The following TCF20 variants were observed in gnomAD, a reference collection of about 807,000 sequenced individuals.
TCF20 encodes the protein transcription factor 20, also known as SPRE-binding protein.
TCF20 carries 3 observed loss-of-function variants against 148.6 expected under a neutral mutation model. The ratio of observed to expected loss-of-function variants is 0.02; its 90% CI spans 0.01 to 0.05. The LOEUF (loss-of-function observed/expected upper bound fraction) is 0.05, where lower values mean the gene tolerates loss of function less well. TCF20 is among the 10% of genes least tolerant of loss of function. The pLI, the probability that TCF20 is intolerant of heterozygous loss-of-function variation, is 1.00. For synonymous variants in TCF20, 1,049 were observed against 909.5 expected (o/e 1.15, Z -2.76); for missense variants, 2,350 against 2,429.3 (o/e 0.97, Z 0.69).
intron 1 of TCF20, among the ~76,000 whole-genome samples, chr22:42,267,235 C>G (rs545490098): frequency 1.9e-3 from 291 of 152,138 alleles, no homozygotes; most frequent in African/African-American, 5.9e-3. Flanking sequence ...CCACTGCACT[C>G]CCAGCTGGGC....
upstream of TCF20, among the ~76,000 whole-genome samples, chr22:42,286,869 G>C (rs1181296953): frequency 6.6e-6 from 1 of 152,212 alleles, no homozygotes; most frequent in Admixed American, 6.5e-5. Context: ...GTTCCCATCA[G>C]TCCCTTGAAC....
intron 2 of TCF20, among the ~76,000 whole-genome samples, chr22:42,197,946 G>A (rs1030932227): frequency 2.0e-5 from 3 of 152,162 alleles, no homozygotes; most frequent in African/African-American, 7.2e-5. Context: ...ACCCTTTGTT[G>A]ATTAAACCAC....
Position 42,179,655 on chromosome 22 carries a change from G to A in TCF20, c.5703C>T (p.Asn1901=), listed in dbSNP as rs1295011679. The A allele has an allele frequency of 4.3e-6, 7 of 1,614,178 alleles. No homozygotes were observed. The highest frequency in any genetic ancestry group is 1.3e-5 in the African/African-American group (1 of 75,036). Residue 1901 remains asparagine (N), a synonymous_variant, in exon 3 of 6, where the codon AAC becomes AAT. Transcript: ENST00000677622. ...AATGGTATCGGAAGGAGCAGCCTTTGTTGTAGCAGCCCAAGGTGGCGCCTG... is the reference window on the plus strand; with the variant it reads ...AATGGTATCGGAAGGAGCAGCCTTTATTGTAGCAGCCCAAGGTGGCGCCTG... ...QEAGATLGCY[N]KGCSFRYHYP...
chr22:42,192,143 C>A (rs369169453), intron 2 of TCF20, among the ~76,000 whole-genome samples: 99 of 152,310 alleles, frequency 6.5e-4, no homozygotes, highest in African/African-American at 2.3e-3. Flanking sequence ...CATGGCTCAT[C>A]CTACCCAGGA....
chr22:42,255,155 C>G (rs188864683), intron 1 of TCF20, among the ~76,000 whole-genome samples: 246 of 152,070 alleles, frequency 1.6e-3, no homozygotes, highest in African/African-American at 5.6e-3. Context: ...ATGTTTAGAA[C>G]AAGTCCTGGC....
chr22:42,202,679 C>T (rs899003583), intron 2 of TCF20, among the ~76,000 whole-genome samples: 3 of 152,218 alleles, frequency 2.0e-5, no homozygotes, highest in Non-Finnish European at 2.9e-5. Flanking sequence ...CGAAATTGGC[C>T]TTGGCTTGGG....
Position 42,169,896 on chromosome 22 carries a change from T to G in TCF20, c.5750A>C (p.Asp1917Ala), listed in dbSNP as rs752474784. 5.6e-6 allele frequency: 9 copies of G among 1,613,132 alleles called. No individual in the cohort carries two copies. The African/African-American group carries it at 1.2e-4, about 22-fold the overall frequency. Residue 1917 changes from aspartate (D) to alanine (A), a missense_variant and splice_region_variant, in exon 4 of 6, where the codon GAT becomes GCT. Physicochemically the swap from Asp to Ala is moderately radical, Grantham distance 126. This residue lies in a region of TCF20 where 67 missense variants were observed against 60.8 expected (regional missense o/e 1.10). Transcript: ENST00000677622. ...GAAGTTCTCCTCATGTAGCAAACAA[T>G]CTGGAAGACAGAAGGGGACAGTCAG... is the stretch of plus-strand genomic sequence containing the variant. Reference protein sequence around the residue: ...RYHYPCAIDADCLLHEENFSV... With the variant: ...RYHYPCAIDAACLLHEENFSV...
At chr22:42,319,793 G>A (rs901745678) in intron 1 of TCF20, among the ~76,000 whole-genome samples, 5 of 152,154 alleles carry the variant, frequency 3.3e-5, no homozygotes, top group African/African-American at 1.2e-4. Flanking sequence ...GGACAGGCGA[G>A]GAGGCCGGGG....
At chr22:42,243,292 C>CAAAAAAAAACAAAAAA (rs1924605276) in intron 1 of TCF20, among the ~76,000 whole-genome samples, 1 of 39,478 alleles carries the variant, frequency 2.5e-5, no homozygotes, top group African/African-American at 8.5e-5. Flanking sequence ...GACACTGTCT[C>CAAAAAAAAACAAAAAA]AAAAAAAAAA....
intron 1 of TCF20, among the ~76,000 whole-genome samples, chr22:42,316,873 C>T (rs1385146614): frequency 6.6e-6 from 1 of 152,210 alleles, no homozygotes; most frequent in African/African-American, 2.4e-5. Context: ...ACTGGCAGAA[C>T]TTTCTGGTCT....
intron 1 of TCF20, among the ~76,000 whole-genome samples, chr22:42,321,686 C>G (rs1193089087): frequency 1.3e-5 from 2 of 151,850 alleles, no homozygotes; most frequent in South Asian, 2.1e-4. Context: ...GTGACTCACA[C>G]CTGTAATCCT....
Position 42,279,628 on chromosome 22 carries a change from G to A in TCF20, c.-37+4199C>T, listed in dbSNP as rs140048264. ...AGGCACACAGTGACTGCGCTTCTCA[G>A]TGCCACAAGTGCTGTTGCCATCATT... On this transcript the variant is annotated intron_variant, in intron 1 of 5. Transcript: ENST00000359486. This position sits in a 1 kb window ranked among gnomAD's most constrained non-coding sequence, Gnocchi z 4.3. 6.6e-6 allele frequency among the ~76,000 whole-genome samples: 1 copy of A among 152,328 alleles called. No individual in the cohort carries two copies. The highest frequency in any genetic ancestry group is 1.9e-4 in the East Asian group (1 of 5,184).
At chr22:42,242,225 A>AAAAAAAAAAAAG (rs1924494235) in intron 1 of TCF20, among the ~76,000 whole-genome samples, 1 of 139,566 alleles carries the variant, frequency 7.2e-6, no homozygotes, top group African/African-American at 2.7e-5. Flanking sequence ...AAAAAAAAAA[A>AAAAAAAAAAAAG]AACAGAAAAG....
intron 1 of TCF20, among the ~76,000 whole-genome samples, chr22:42,335,815 G>T (rs1278906190): frequency 6.6e-6 from 1 of 152,090 alleles, no homozygotes; most frequent in African/African-American, 2.4e-5. Context: ...GCCAGCTCTG[G>T]GGTGGGGGTG....
chr22:42,248,826 G>C (rs964157938), intron 1 of TCF20, among the ~76,000 whole-genome samples: 6 of 152,212 alleles, frequency 3.9e-5, no homozygotes, highest in Non-Finnish European at 7.3e-5. Context: ...TCATTATCTG[G>C]AAATTAAGTA....
At position 42,270,408 on chromosome 22, in the gene TCF20, C is replaced by T. The variant is rs1392738461; in HGVS notation, c.-106G>A. On this transcript the variant is annotated 5_prime_UTR_variant, in exon 1 of 6. Transcript: ENST00000677622. Reference sequence around the variant, plus strand: ...GGCGGGGAGGGAGCGGTGGCGACGGCGGGCGGCGCTGCGCGGGGTGGGGGT... The same window carrying T: ...GGCGGGGAGGGAGCGGTGGCGACGGTGGGCGGCGCTGCGCGGGGTGGGGGT... Among the ~76,000 whole-genome samples, 1 of 145,738 alleles carries T rather than the reference C, an allele frequency of 6.9e-6. No homozygotes were observed. The highest frequency in any genetic ancestry group is 1.5e-5 in the Non-Finnish European group (1 of 66,110).
chr22:42,240,308 T>A (rs1924281089), intron 1 of TCF20, among the ~76,000 whole-genome samples: 1 of 152,098 alleles, frequency 6.6e-6, no homozygotes, highest in South Asian at 2.1e-4. Flanking sequence ...CACCAACCAA[T>A]ACCACCTGGT....
rs778953458 is a variant in TCF20, at chr22:42,213,625, C to T, written c.1681G>A (p.Ala561Thr). The change falls in exon 2 of 6, where the codon GCA (alanine) becomes ACA (threonine). Residue 561 changes from alanine to threonine, a missense_variant. Physicochemically the swap from Ala to Thr is moderately conservative, Grantham distance 58. Coordinates refer to ENST00000677622, the MANE Select transcript of TCF20 (RefSeq NM_001378418.1). ...GGGGGTTCATTCTGAGCACCTTGTG[C>T]CGGTGAGGAGCCAGCTTTCTCAGAG... Reference protein sequence around the residue: ...GASEKAGSSPAQGAQNEPPRL... With the variant: ...GASEKAGSSPTQGAQNEPPRL... 3 of 1,613,938 alleles carry T rather than the reference C, an allele frequency of 1.9e-6. No individual in the cohort carries two copies. The highest frequency in any genetic ancestry group is 2.2e-5 in the South Asian group (2 of 91,084).
chr22:42,316,539 G>A (rs906668505), intron 1 of TCF20, among the ~76,000 whole-genome samples: 6 of 152,202 alleles, frequency 3.9e-5, no homozygotes, highest in African/African-American at 1.4e-4. Flanking sequence ...CCAGGTTCAA[G>A]CGATTCGCCT....
Sources: gnomAD v4.1 joint callset for allele counts (sites outside exome capture counted in the v4.1 genomes callset) on GRCh38, gnomAD v4.1.1 for gene constraint, gnomAD v4.1.1 regional missense constraint, Gnocchi (gnomAD v3.1) non-coding constraint, MANE v1.5 for transcripts, NCBI Gene and HGNC (gene_info 2026-07-23, HGNC 2026-07-21) for gene names.